Variants in LRRN2 observed in about 807,000 individuals in gnomAD.
The protein encoded by LRRN2 is leucine rich repeat neuronal 2.
A neutral mutation model predicts 35.7 loss-of-function variants in LRRN2; 10 were observed. The ratio of observed to expected loss-of-function variants is 0.28; its 90% confidence interval spans 0.17 to 0.47. The LOEUF (loss-of-function observed/expected upper bound fraction) is 0.47, where lower values mean the gene tolerates loss of function less well. LRRN2 is among the 20% of genes least tolerant of loss of function. LRRN2 has a pLI of 0.99. For synonymous variants in LRRN2, 391 were observed against 409.6 expected (o/e 0.95, Z 0.55); for missense variants, 731 against 940.3 (o/e 0.78, Z 2.91).
At chr1:204,630,314 G>A (rs1667654015) in intron 1 of LRRN2, among the ~76,000 whole-genome samples, 1 of 151,986 alleles carries the variant, frequency 6.6e-6, no homozygotes, top group Non-Finnish European at 1.5e-5. Flanking sequence ...GGTCGGGTGG[G>A]GGTGGGTGAG....
At chr1:204,624,421 G>A (rs1021983607) in intron 1 of LRRN2, among the ~76,000 whole-genome samples, 2 of 152,166 alleles carry the variant, frequency 1.3e-5, no homozygotes, top group African/African-American at 2.4e-5. Flanking sequence ...CCCTAGAGCC[G>A]TATTCCAAGA....
chr1:204,617,939 G>A lies in LRRN2; in HGVS notation c.2054C>T (p.Pro685Leu), dbSNP rs1292040175. Reference sequence around the variant, plus strand: ...CCCTGGATTCCAGGGCAGGACGAGGGGAGCAGACACAACCCGGACAGAAGG... The same window carrying A: ...CCCTGGATTCCAGGGCAGGACGAGGAGAGCAGACACAACCCGGACAGAAGG... ...SAPSVRVVSA[P>L]LVLPWNPGRK... The change falls in exon 2 of 2, where the codon CCC becomes CTC. Residue 685 changes from proline (P) to leucine (L), a missense_variant. Transcript: ENST00000367177. 4.3e-6 allele frequency: 7 copies of A among 1,614,058 alleles called. No homozygotes were observed. Among genetic ancestry groups the A allele is most frequent in the Non-Finnish European group, 5.9e-6 (7 of 1,180,042 alleles).
At chr1:204,649,283 T>C (rs1407370280) in intron 1 of LRRN2, among the ~76,000 whole-genome samples, 1 of 152,214 alleles carries the variant, frequency 6.6e-6, no homozygotes, top group Non-Finnish European at 1.5e-5. Context: ...CGCTCTGGGC[T>C]GAACAGCCCC....
intron 1 of LRRN2, among the ~76,000 whole-genome samples, chr1:204,630,517 A>G (rs964273728): frequency 6.6e-6 from 1 of 151,982 alleles, no homozygotes; most frequent in African/African-American, 2.4e-5. Context: ...GAAGCTCTAG[A>G]TAAGTCACGC....
At chr1:204,639,249 G>T (rs1246605221) in intron 1 of LRRN2, among the ~76,000 whole-genome samples, 1 of 152,244 alleles carries the variant, frequency 6.6e-6, no homozygotes, top group South Asian at 2.1e-4. Flanking sequence ...CCAATCCTGT[G>T]TACAGGATCA....
intron 1 of LRRN2, among the ~76,000 whole-genome samples, chr1:204,624,806 C>T (rs891572266): frequency 1.4e-5 from 2 of 142,464 alleles, no homozygotes; most frequent in East Asian, 4.7e-4. Flanking sequence ...AGGTGGTGAT[C>T]GATTGCCTGG....
intron 1 of LRRN2, among the ~76,000 whole-genome samples, chr1:204,678,274 CTTT>C (rs1668869590): frequency 6.6e-6 from 1 of 152,132 alleles, no homozygotes; most frequent in Admixed American, 6.5e-5. Context: ...GTGTCCTGTG[CTTT>C]TTTATTTCCT....
At chr1:204,630,528 C>T (rs995957013) in intron 1 of LRRN2, among the ~76,000 whole-genome samples, 8 of 151,728 alleles carry the variant, frequency 5.3e-5, no homozygotes, top group African/African-American at 1.7e-4. Flanking sequence ...TAAGTCACGC[C>T]GCGGAAGGAG....
intron 1 of LRRN2, among the ~76,000 whole-genome samples, chr1:204,632,120 G>A (rs1425251805): frequency 6.6e-6 from 1 of 152,142 alleles, no homozygotes; most frequent in African/African-American, 2.4e-5. Flanking sequence ...TGTAGTTCTA[G>A]CTACTTGGGA....
At chr1:204,641,241 G>C (rs564088487) in intron 1 of LRRN2, among the ~76,000 whole-genome samples, 2 of 152,284 alleles carry the variant, frequency 1.3e-5, no homozygotes, top group African/African-American at 4.8e-5. Flanking sequence ...TGTAGCCTAG[G>C]ATAATTATTT....
chr1:204,619,519 G>A lies in LRRN2; in HGVS notation c.474C>T (p.Pro158=), dbSNP rs1322317447. 2.0e-5 allele frequency: 32 copies of A among 1,614,126 alleles called. No homozygotes were observed. Among genetic ancestry groups the A allele is most frequent in the Non-Finnish European group, 2.7e-5 (32 of 1,180,052 alleles). The change falls in exon 2 of 2, where the codon CCC becomes CCT. Residue 158 remains proline, a synonymous_variant. Coordinates refer to ENST00000367177, the MANE Select transcript of LRRN2 (RefSeq NM_201630.2). ...AGTTGCTGAGGCCAGAAAAGGCCCT[G>A]GGGGCGATGCGGTAGAGCTGGTTGT... ...LNHNQLYRIA[P]RAFSGLSNLL...
chr1:204,623,503 A>C (rs562324047), intron 1 of LRRN2, among the ~76,000 whole-genome samples: 2 of 152,338 alleles, frequency 1.3e-5, no homozygotes, highest in East Asian at 3.9e-4. Context: ...CTCTGACCCC[A>C]AGGCTTGGCA....
intron 1 of LRRN2, among the ~76,000 whole-genome samples, chr1:204,666,854 C>T (rs541210475): frequency 3.8e-4 from 56 of 147,528 alleles, no homozygotes; most frequent in African/African-American, 1.3e-3. Flanking sequence ...CCCAGCTACT[C>T]GGGAGGCTGA....
intron 1 of LRRN2, among the ~76,000 whole-genome samples, chr1:204,679,326 C>T (rs1668889590): frequency 6.6e-6 from 1 of 152,220 alleles, no homozygotes; most frequent in Non-Finnish European, 1.5e-5. Context: ...GCATCACCAC[C>T]TCTGCCCTCC....
intron 1 of LRRN2, among the ~76,000 whole-genome samples, chr1:204,652,936 C>A (rs58013033): frequency 0.18 from 27,745 of 152,158 alleles, 2,990 homozygotes; most frequent in East Asian, 0.48. Flanking sequence ...GCCTATCCCA[C>A]CAACTTGCTA....
chr1:204,662,450 G>A (rs139223791), intron 1 of LRRN2, among the ~76,000 whole-genome samples: 1 of 152,284 alleles, frequency 6.6e-6, no homozygotes, highest in East Asian at 1.9e-4. Context: ...ACTAAGAGAA[G>A]TTCACCAACT....
intron 1 of LRRN2, among the ~76,000 whole-genome samples, chr1:204,680,598 C>T (rs539151248): frequency 9.9e-5 from 15 of 152,268 alleles, no homozygotes; most frequent in East Asian, 7.7e-4. Flanking sequence ...GGGCTTAGAA[C>T]GTGCAGGAGC....
chr1:204,671,717 G>A (rs1212599033), intron 1 of LRRN2, among the ~76,000 whole-genome samples: 1 of 151,508 alleles, frequency 6.6e-6, no homozygotes, highest in African/African-American at 2.4e-5. Flanking sequence ...TAAAGAGTGG[G>A]GGTGTCATAG....
intron 1 of LRRN2, among the ~76,000 whole-genome samples, chr1:204,636,719 C>A (rs1239250174): frequency 6.6e-6 from 1 of 152,108 alleles, no homozygotes; most frequent in Non-Finnish European, 1.5e-5. Context: ...AAGCCATGAT[C>A]GCATGACTGC....
Sources: allele counts gnomAD v4.1 joint callset (sites outside exome capture counted in the v4.1 genomes callset), GRCh38; gene constraint gnomAD v4.1.1; transcripts MANE v1.5; gene names NCBI Gene and HGNC (gene_info 2026-07-23, HGNC 2026-07-21).